The following KSR2 variants were observed in gnomAD, a reference collection of about 807,000 sequenced individuals.
KSR2 encodes the protein kinase suppressor of ras 2.
Under a neutral mutation model 107.8 loss-of-function variants are expected in KSR2, and 25 were observed. The ratio of observed to expected loss-of-function variants is 0.23; its 90% confidence interval spans 0.17 to 0.32. The LOEUF (loss-of-function observed/expected upper bound fraction) is 0.32. KSR2 is among the 10% of genes least tolerant of loss of function. The pLI, the probability that KSR2 is intolerant of heterozygous loss-of-function variation, is 1.00. For missense variants in KSR2, 887 were observed against 1,268.9 expected, an observed-to-expected ratio of 0.70 and a Z score of 4.57; for synonymous variants, 480 against 507.0, an observed-to-expected ratio of 0.95 and a Z score of 0.71.
chr12:117,708,928 A>G (rs966101436), intron 4 of KSR2, among the ~76,000 whole-genome samples: 7 of 152,166 alleles, frequency 4.6e-5, no homozygotes, highest in African/African-American at 1.4e-4. Flanking sequence ...CTAAAATGGT[A>G]GGCCGCTCGC....
chr12:117,518,519 C>T (rs991183691), intron 14 of KSR2, among the ~76,000 whole-genome samples: 7 of 152,156 alleles, frequency 4.6e-5, no homozygotes, highest in Admixed American at 6.5e-5. Context: ...TCCTTGATGC[C>T]ATCACTATTC....
intron 5 of KSR2, among the ~76,000 whole-genome samples, chr12:117,603,410 C>CT (rs1292081770): frequency 6.6e-6 from 1 of 152,178 alleles, no homozygotes; most frequent in Non-Finnish European, 1.5e-5. Flanking sequence ...ACTTTGTAAC[C>CT]TTGTTTTTGG....
At chr12:117,648,709 T>A (rs896980597) in intron 5 of KSR2, among the ~76,000 whole-genome samples, 2 of 152,204 alleles carry the variant, frequency 1.3e-5, no homozygotes, top group African/African-American at 4.8e-5. Context: ...GTGAGGTAGG[T>A]GCTTGTGTTT....
intron 14 of KSR2, among the ~76,000 whole-genome samples, chr12:117,493,780 G>A (rs1276933976): frequency 1.3e-5 from 2 of 152,184 alleles, no homozygotes; most frequent in Admixed American, 1.3e-4. Context: ...GGCCCAGGGG[G>A]AGGTAATTGA....
intron 3 of KSR2, among the ~76,000 whole-genome samples, chr12:117,846,257 A>G (rs1024349191): frequency 6.6e-6 from 1 of 150,704 alleles, no homozygotes. Flanking sequence ...GTTTCACTTC[A>G]GTTTTAATTC....
At position 117,454,739 on chromosome 12, in the gene KSR2, T is replaced by A. The variant is rs1047514282; in HGVS notation, c.*12460A>T. 1 of 152,250 alleles carries A rather than the reference T, an allele frequency of 6.6e-6. No homozygotes were observed. Among genetic ancestry groups the A allele is most frequent in the East Asian group, 1.9e-4 (1 of 5,202 alleles). 9.4% of individuals were successfully genotyped at this position (152,250 alleles called of 1,614,324 possible). On this transcript the variant is annotated 3_prime_UTR_variant, in exon 20 of 20. Transcript: ENST00000339824. ...CTTCAGGGGCCTATTCATAGAGTGATATGAACTGTCCCAGAAAGAGGTTTT... is the reference window on the plus strand; with the variant it reads ...CTTCAGGGGCCTATTCATAGAGTGAAATGAACTGTCCCAGAAAGAGGTTTT...
At chr12:117,537,273 T>A (rs1193723667) in intron 10 of KSR2, among the ~76,000 whole-genome samples, 8 of 152,218 alleles carry the variant, frequency 5.3e-5, no homozygotes. Context: ...TCCCCAAATG[T>A]TGAGTTCAGT....
chr12:117,928,320 CT>C (rs1240293197), intron 1 of KSR2, among the ~76,000 whole-genome samples: 1 of 151,880 alleles, frequency 6.6e-6, no homozygotes. Flanking sequence ...GTAGCTGGAA[CT>C]ACAGGCATGC....
chr12:117,602,051 T>C (rs1305595676), intron 5 of KSR2, among the ~76,000 whole-genome samples: 2 of 152,258 alleles, frequency 1.3e-5, no homozygotes, highest in Non-Finnish European at 1.5e-5. Flanking sequence ...ATGGCTGTTT[T>C]CCAATAAAAC....
At chr12:117,909,959 G>A (rs1894966583) in intron 1 of KSR2, among the ~76,000 whole-genome samples, 1 of 152,074 alleles carries the variant, frequency 6.6e-6, no homozygotes, top group Non-Finnish European at 1.5e-5. Flanking sequence ...GTGGCATGGT[G>A]GCTCATGCCT....
intron 1 of KSR2, among the ~76,000 whole-genome samples, chr12:117,863,989 C>G (rs1268153174): frequency 6.6e-6 from 1 of 152,138 alleles, no homozygotes; most frequent in African/African-American, 2.4e-5. Context: ...CCTTATCTTA[C>G]ATCTGCAAAG....
intron 4 of KSR2, among the ~76,000 whole-genome samples, chr12:117,678,016 C>A (rs1320168937): frequency 6.6e-6 from 1 of 152,088 alleles, no homozygotes; most frequent in Non-Finnish European, 1.5e-5. Context: ...CTCACTACAA[C>A]CTCCGCCTCA....
chr12:117,745,719 C>A (rs932207879), intron 4 of KSR2, among the ~76,000 whole-genome samples: 1 of 152,112 alleles, frequency 6.6e-6, no homozygotes, highest in African/African-American at 2.4e-5. Flanking sequence ...AGCTTATAAA[C>A]AACTTCAGCA....
At chr12:117,576,474 A>G (rs559479095) in intron 7 of KSR2, among the ~76,000 whole-genome samples, 2 of 152,188 alleles carry the variant, frequency 1.3e-5, no homozygotes, top group South Asian at 4.2e-4. Flanking sequence ...ATGCTTGGTA[A>G]TTATTGCTCC....
intron 5 of KSR2, among the ~76,000 whole-genome samples, chr12:117,639,620 G>T (rs911774824): frequency 8.0e-6 from 1 of 124,402 alleles, no homozygotes; most frequent in South Asian, 2.8e-4. Flanking sequence ...ATGAGCCACC[G>T]CACCCAGCGT....
At chr12:117,859,048 TC>T (rs1255683395) in intron 2 of KSR2, among the ~76,000 whole-genome samples, 1 of 151,824 alleles carries the variant, frequency 6.6e-6, no homozygotes, top group African/African-American at 2.4e-5. Context: ...CGTGGTCTAA[TC>T]TTTGAGAGCG....
intron 3 of KSR2, among the ~76,000 whole-genome samples, chr12:117,798,757 CAG>C (rs1455642082): frequency 1.4e-5 from 2 of 144,992 alleles, no homozygotes; most frequent in South Asian, 4.4e-4. Context: ...TAACTGAAAA[CAG>C]AGACTCAAAC....
At chr12:117,487,175 T>C (rs555416909) in intron 14 of KSR2, among the ~76,000 whole-genome samples, 311 of 152,328 alleles carry the variant, frequency 2.0e-3, no homozygotes, top group African/African-American at 7.2e-3. Flanking sequence ...TATAAAAAGT[T>C]GTTAAGTGAT....
intron 4 of KSR2, among the ~76,000 whole-genome samples, chr12:117,749,187 G>GC (rs774750420): frequency 6.7e-6 from 1 of 148,848 alleles, no homozygotes; most frequent in Non-Finnish European, 1.5e-5. Flanking sequence ...GACATGGGAA[G>GC]CCCTCGGTGT....
Sources: gnomAD v4.1 joint callset for allele counts (sites outside exome capture counted in the v4.1 genomes callset) on GRCh38, gnomAD v4.1.1 for gene constraint, MANE v1.5 for transcripts, NCBI Gene and HGNC (gene_info 2026-07-23, HGNC 2026-07-21) for gene names.